CNKSR3: variants seen among roughly 807,000 people sequenced by gnomAD.
CNKSR3 encodes CNKSR family member 3.
In CNKSR3, 36 loss-of-function variants were observed where a neutral mutation model predicts 67.7. That is an observed-to-expected ratio of 0.53 (90% CI 0.41 to 0.70). CNKSR3 has a LOEUF of 0.70. Ranked by LOEUF, CNKSR3 falls within the 30% of genes least tolerant of loss-of-function variation. The pLI is 0.00. For missense variants in CNKSR3, 630 were observed against 695.2 expected (o/e 0.91, Z 1.05); for synonymous variants, 281 against 271.4 (o/e 1.04, Z -0.35).
chr6:154,411,581 C>A (rs945969005), intron 10 of CNKSR3, among the ~76,000 whole-genome samples: 1 of 142,440 alleles, frequency 7.0e-6, no homozygotes, highest in Non-Finnish European at 1.5e-5. Flanking sequence ...TTACAGTGAG[C>A]TGAGATCATG....
In CNKSR3 at chr6:154,402,274, A is replaced by G. The variant is rs545381480; in HGVS notation, c.*4080T>C. On this transcript the variant is annotated 3_prime_UTR_variant, in exon 13 of 13. Transcript: ENST00000607772. Reference sequence around the variant, plus strand: ...AAGCCCTGCAGCTTACAGCCCTCACAACAAAGAGCTGACTCATCAACACAA... The same window carrying G: ...AAGCCCTGCAGCTTACAGCCCTCACGACAAAGAGCTGACTCATCAACACAA... 6.6e-6 allele frequency: 1 copy of G among 152,326 alleles called. No homozygotes were observed. The highest frequency in any genetic ancestry group is 1.5e-5 in the Non-Finnish European group (1 of 68,038). The allele number at this position is 152,326 out of a possible 1,614,324, so 9.4% of individuals were successfully genotyped here.
chr6:154,509,992 C>G, intron 1 of CNKSR3, 71 bp downstream of exon 1: 1 of 1,556,872 alleles, frequency 6.4e-7, no homozygotes, highest in Non-Finnish European at 8.9e-7. Context: ...GCCAAGTACC[C>G]TCTTCCCCAG....
At chr6:154,500,776 A>G (rs1786980253) in intron 1 of CNKSR3, among the ~76,000 whole-genome samples, 1 of 152,216 alleles carries the variant, frequency 6.6e-6, no homozygotes, top group African/African-American at 2.4e-5. Context: ...TCACATAGAA[A>G]GCTTTCTAAT....
chr6:154,393,960 C>A lies in CNKSR3; in HGVS notation c.*12394G>T, dbSNP rs1784633161. 1 of 152,228 alleles carries A rather than the reference C, an allele frequency of 6.6e-6. No homozygotes were observed. Among genetic ancestry groups the A allele is most frequent in the Non-Finnish European group, 1.5e-5 (1 of 68,042 alleles). The allele number at this position is 152,228 out of a possible 1,614,324, so 9.4% of individuals were successfully genotyped here. ...AACTTAAGAAACATGTCAGAGACCA[C>A]TCATCCTGACCAATATCACTCTCCC... On this transcript the variant is annotated 3_prime_UTR_variant, in exon 13 of 13. Coordinates refer to ENST00000607772, the MANE Select transcript of CNKSR3 (RefSeq NM_173515.4).
intron 10 of CNKSR3, among the ~76,000 whole-genome samples, chr6:154,413,139 T>TACACACACACACAC (rs60788837): frequency 6.9e-5 from 10 of 144,994 alleles, no homozygotes; most frequent in African/African-American, 1.5e-4. Context: ...GAATTTATGG[T>TACACACACACACAC]ACACACACAC....
Position 154,410,349 on chromosome 6 carries a change from T to G in CNKSR3, c.1363A>C (p.Arg455=). The G allele has an allele frequency of 9.9e-6, 16 of 1,613,450 alleles. No homozygotes were observed. The highest frequency in any genetic ancestry group is 1.6e-4 in the Middle Eastern group (1 of 6,062). ...DPFARPRGHG[R]KGEDALCRYF... ...TTGCTTGGATGAAACGTACCTTTCC[T>G]GCCATGACCTCGAGGTCTGGCAAAA... Residue 455 remains arginine, a synonymous_variant, in exon 12 of 13, where the codon AGG becomes CGG. Coordinates refer to ENST00000607772, the MANE Select transcript of CNKSR3 (RefSeq NM_173515.4).
At chr6:154,445,160 A>T in intron 2 of CNKSR3, among the ~76,000 whole-genome samples, 1 of 152,154 alleles carries the variant, frequency 6.6e-6, no homozygotes. Flanking sequence ...AATAATATTT[A>T]AAAAATTAGA....
intron 9 of CNKSR3, 30 bp from the exon 10 acceptor site, chr6:154,414,453 G>T: frequency 6.4e-7 from 1 of 1,564,666 alleles, no homozygotes. Flanking sequence ...GCAATGCAAA[G>T]AGTGGAGATC....
In CNKSR3 at chr6:154,388,808, C is replaced by T. The variant is rs1047420305; in HGVS notation, c.*17546G>A. The stretch of plus-strand genomic sequence containing the variant: ...ATCCTCTGGGAGCCTCCCATTTCCT[C>T]TCATTGATGAGAATTTGCCCATGAG... On this transcript the variant is annotated 3_prime_UTR_variant, in exon 13 of 13. Transcript: ENST00000607772. 1.3e-5 allele frequency: 2 copies of T among 152,170 alleles called. No individual in the cohort carries two copies. Among genetic ancestry groups the T allele is most frequent in the African/African-American group, 4.8e-5 (2 of 41,442 alleles). 9.4% of individuals were successfully genotyped at this position (152,170 alleles called of 1,614,324 possible). A position where few individuals can be genotyped will look rare whatever the true frequency, so the allele number is the denominator to read the frequency against.
At position 154,497,813 on chromosome 6, in the gene CNKSR3, G is replaced by GTA. The variant is rs1554238678; in HGVS notation, c.52+12249_52+12250insTA. On this transcript the variant is annotated intron_variant, in intron 1 of 12. Coordinates refer to ENST00000607772, the MANE Select transcript of CNKSR3 (RefSeq NM_173515.4). ...TTCTGGATTAAGAACTGAAGCTGGT[G>GTA]TTTCTTGTTTGCTTCATTTCCCGAT... Among the ~76,000 whole-genome samples, 92 of 152,218 alleles carry GTA rather than the reference G, an allele frequency of 6.0e-4. 1 individual carries two copies. Among genetic ancestry groups the GTA allele is most frequent in the Middle Eastern group, 3.4e-3 (1 of 294 alleles).
Position 154,411,016 on chromosome 6 carries a change from A to G in CNKSR3, c.1197T>C (p.Ile399=), listed in dbSNP as rs746674486. The G allele has an allele frequency of 1.2e-5, 19 of 1,614,004 alleles. 1 individual carries two copies. The South Asian group carries it at 1.8e-4, about 15-fold the overall frequency. The change falls in exon 11 of 13, where the codon ATT becomes ATC. Residue 399 remains isoleucine, a synonymous_variant. Coordinates refer to ENST00000607772, the MANE Select transcript of CNKSR3 (RefSeq NM_173515.4). ...DQESRRRRFT[I]ADSDQLPGYS... ...ACCCAGGCAACTGATCCGAGTCTGCAATGGTGAATCTTCGTCTCCGGCTTT... is the reference window on the plus strand; with the variant it reads ...ACCCAGGCAACTGATCCGAGTCTGCGATGGTGAATCTTCGTCTCCGGCTTT...
chr6:154,400,106 TCCTCCAA>T lies in CNKSR3; in HGVS notation c.*6241_*6247del. 1 of 152,198 alleles carries T rather than the reference TCCTCCAA, an allele frequency of 6.6e-6. No individual in the cohort carries two copies. The highest frequency in any genetic ancestry group is 1.9e-4 in the East Asian group (1 of 5,202). 9.4% of individuals were successfully genotyped at this position (152,198 alleles called of 1,614,324 possible). ...TTTGAGGTTTATTTCTTAATTTTTT[TCCTCCAA>T]CTTCAGTTTCACAACTTCTTCATGA... On this transcript the variant is annotated 3_prime_UTR_variant, in exon 13 of 13. Coordinates refer to ENST00000607772, the MANE Select transcript of CNKSR3 (RefSeq NM_173515.4).
intron 1 of CNKSR3, among the ~76,000 whole-genome samples, chr6:154,475,672 C>A (rs1182280936): frequency 6.6e-6 from 1 of 152,210 alleles, no homozygotes; most frequent in African/African-American, 2.4e-5. Flanking sequence ...GACAGGAGGA[C>A]TCCCCAGCCC....
rs754033474 is a variant in CNKSR3 at position 154,450,203 on chromosome 6, G to A, written c.108C>T (p.Asn36=). 1.1e-5 allele frequency: 18 copies of A among 1,614,144 alleles called. No homozygotes were observed. Among genetic ancestry groups the A allele is most frequent in the East Asian group, 2.2e-5 (1 of 44,882 alleles). Residue 36 remains asparagine (N), a synonymous_variant, in exon 2 of 13, where the codon AAC becomes AAT. Transcript: ENST00000607772. ...YVHKFEREKI[N]GEQLLQISHQ... ...GGGAAATCTGCAGCAGCTGCTCGCCGTTGATCTTCTCTCGTTCAAACTTGT... is the reference window on the plus strand; with the variant it reads ...GGGAAATCTGCAGCAGCTGCTCGCCATTGATCTTCTCTCGTTCAAACTTGT...
chr6:154,416,003 C>G (rs73011466), intron 9 of CNKSR3, among the ~76,000 whole-genome samples: 4,044 of 152,152 alleles, frequency 0.027, 87 homozygotes, highest in Non-Finnish European at 0.044. Context: ...TTAGGCCCAG[C>G]GTGTGGGCAC....
chr6:154,447,263 G>A (rs1785726276), intron 2 of CNKSR3, among the ~76,000 whole-genome samples: 1 of 152,120 alleles, frequency 6.6e-6, no homozygotes, highest in African/African-American at 2.4e-5. Context: ...CTAGCCACAT[G>A]GAGCTTCTGA....
At chr6:154,464,361 C>T (rs978839530) in intron 1 of CNKSR3, among the ~76,000 whole-genome samples, 14 of 152,164 alleles carry the variant, frequency 9.2e-5, no homozygotes, top group Middle Eastern at 3.2e-3. Flanking sequence ...AAATTCTACT[C>T]TCGGAAACAT....
intron 9 of CNKSR3, 35 bp from the exon 10 acceptor site, chr6:154,414,458 G>T: frequency 6.4e-7 from 1 of 1,561,730 alleles, no homozygotes; most frequent in South Asian, 1.2e-5. Context: ...GCAAAGAGTG[G>T]AGATCAATTC....
chr6:154,505,235 T>G (rs947393581), intron 1 of CNKSR3, among the ~76,000 whole-genome samples: 1 of 151,682 alleles, frequency 6.6e-6, no homozygotes, highest in Admixed American at 6.5e-5. Flanking sequence ...GTAGTTAACT[T>G]GGAAATTCCA....
Sources: gnomAD v4.1 joint callset for allele counts (sites outside exome capture counted in the v4.1 genomes callset) on GRCh38, gnomAD v4.1.1 for gene constraint, MANE v1.5 for transcripts, NCBI Gene and HGNC (gene_info 2026-07-23, HGNC 2026-07-21) for gene names.